ANK2: variants seen among roughly 807,000 people sequenced by gnomAD.
The protein encoded by ANK2 is ankyrin-2.
ANK2 carries 83 observed loss-of-function variants against 360.5 expected under a neutral mutation model. The ratio of observed to expected loss-of-function variants is 0.23; its 90% CI spans 0.19 to 0.28. The LOEUF is 0.28. Among genes scored for constraint, ANK2 ranks in the 10% least tolerant of loss-of-function variants. The pLI is 1.00. For missense variants in ANK2, 4,201 were observed against 4,795.7 expected (o/e 0.88, Z 3.66); for synonymous variants, 1,740 against 1,759.5 (o/e 0.99, Z 0.28).
intron 19 of ANK2, 88 bp from the exon 20 acceptor site, chr4:113,288,300 T>G: frequency 1.9e-6 from 2 of 1,075,818 alleles, no homozygotes; most frequent in Non-Finnish European, 2.8e-6. Context: ...ACTGATACTC[T>G]ACCCAGTCCT....
At chr4:113,014,818 A>ACAT (rs1435058438) in intron 2 of ANK2, among the ~76,000 whole-genome samples, 1 of 140,678 alleles carries the variant, frequency 7.1e-6, no homozygotes, top group East Asian at 2.3e-4. Context: ...GATTTGGGAG[A>ACAT]CATTGTCTGT....
At chr4:113,178,290 A>G (rs1272480896) in intron 2 of ANK2, among the ~76,000 whole-genome samples, 1 of 152,050 alleles carries the variant, frequency 6.6e-6, no homozygotes, top group Non-Finnish European at 1.5e-5. Context: ...AAAACAGGCC[A>G]GGCGCAGTGG....
chr4:113,219,128 C>T (rs954794388), intron 4 of ANK2, among the ~76,000 whole-genome samples: 4 of 151,974 alleles, frequency 2.6e-5, no homozygotes, highest in African/African-American at 9.7e-5. Context: ...AATGCACTGG[C>T]TACATGCTGA....
Position 113,357,122 on chromosome 4 carries a change from C to T in ANK2, c.8504C>T (p.Pro2835Leu), listed in dbSNP as rs2095838031. 6.2e-7 allele frequency: 1 copy of T among 1,613,990 alleles called. No individual in the cohort carries two copies. The highest frequency in any genetic ancestry group is 1.7e-5 in the Admixed American group (1 of 60,004). ...CTTGATGTTTCTAGAGCAGAATCTCCACAAGCAGATTGCCCCAGTGAAAGC... is the reference window on the plus strand; with the variant it reads ...CTTGATGTTTCTAGAGCAGAATCTCTACAAGCAGATTGCCCCAGTGAAAGC... ...EELDVSRAES[P>L]QADCPSESFS... The change falls in exon 38 of 46, where the codon CCA (proline) becomes CTA (leucine). Residue 2835 changes from proline to leucine, a missense_variant. This residue lies in a region of ANK2 where 2,642 missense variants were observed against 2,714.5 expected (regional missense o/e 0.97). Coordinates refer to ENST00000357077, the MANE Select transcript of ANK2 (RefSeq NM_001148.6).
chr4:113,247,961 G>A (rs993735629), intron 9 of ANK2, among the ~76,000 whole-genome samples: 1 of 152,188 alleles, frequency 6.6e-6, no homozygotes, highest in Admixed American at 6.5e-5. Context: ...TGTAATCATT[G>A]TCATCACTTT....
chr4:113,018,075 A>G (rs1352441099), intron 2 of ANK2, among the ~76,000 whole-genome samples: 1 of 152,254 alleles, frequency 6.6e-6, no homozygotes, highest in African/African-American at 2.4e-5. Flanking sequence ...TTGAAAAATA[A>G]CAAGATGAAA....
chr4:112,786,228 G>A, the ANK2 span, among the ~76,000 whole-genome samples: 2 of 147,504 alleles, frequency 1.4e-5, no homozygotes, highest in African/African-American at 5.0e-5. Flanking sequence ...CTGCTGACAG[G>A]TTTGATGAAA....
the ANK2 span, among the ~76,000 whole-genome samples, chr4:112,783,947 C>T: frequency 9.2e-5 from 14 of 151,996 alleles, no homozygotes; most frequent in South Asian, 2.1e-4. Context: ...CCGCGCCTGG[C>T]TTATGTTGAT....
At chr4:112,993,290 A>T (rs2047432519) in intron 2 of ANK2, among the ~76,000 whole-genome samples, 1 of 152,012 alleles carries the variant, frequency 6.6e-6, no homozygotes, top group African/African-American at 2.4e-5. Context: ...TCAAAAAAAA[A>T]ATATTTAGTG....
intron 1 of ANK2, among the ~76,000 whole-genome samples, chr4:112,888,878 AAAG>A (rs1385173067): frequency 6.6e-6 from 1 of 152,212 alleles, no homozygotes; most frequent in Non-Finnish European, 1.5e-5. Context: ...ACAGCCAAAC[AAAG>A]AAGAGGATGA....
intron 1 of ANK2, among the ~76,000 whole-genome samples, chr4:112,884,570 T>C (rs1440885191): frequency 6.6e-6 from 1 of 152,170 alleles, no homozygotes; most frequent in Admixed American, 6.5e-5. Context: ...TCCAAAAATA[T>C]GTGGAAGGCT....
chr4:113,235,127 A>T (rs1171042138), intron 5 of ANK2, among the ~76,000 whole-genome samples: 1 of 152,206 alleles, frequency 6.6e-6, no homozygotes, highest in Non-Finnish European at 1.5e-5. Flanking sequence ...CCTCATCTCT[A>T]AGAAAAAGAT....
intron 1 of ANK2, among the ~76,000 whole-genome samples, chr4:113,091,028 CAGAT>C (rs1041402044): frequency 2.6e-5 from 4 of 152,214 alleles, no homozygotes; most frequent in Non-Finnish European, 5.9e-5. Flanking sequence ...TTGAGACCCT[CAGAT>C]GGATGGGTGC....
At chr4:112,912,185 A>AT (rs1401924381) in intron 2 of ANK2, among the ~76,000 whole-genome samples, 19 of 152,216 alleles carry the variant, frequency 1.2e-4, no homozygotes, top group African/African-American at 3.6e-4. Context: ...TCAAAAAAAA[A>AT]AAAAAAGAAA....
chr4:113,122,047 T>C (rs770438651), intron 1 of ANK2, among the ~76,000 whole-genome samples: 33 of 152,224 alleles, frequency 2.2e-4, no homozygotes, highest in Non-Finnish European at 3.7e-4. Flanking sequence ...GAGAGTGGAA[T>C]GTATTCTATA....
At chr4:112,769,784 T>C in the ANK2 span, among the ~76,000 whole-genome samples, 1 of 152,110 alleles carries the variant, frequency 6.6e-6, no homozygotes, top group African/African-American at 2.4e-5. Context: ...CATCCTGAGA[T>C]TGGAAAAAGG....
chr4:113,161,731 T>C (rs1473725304), intron 1 of ANK2, among the ~76,000 whole-genome samples: 1 of 150,956 alleles, frequency 6.6e-6, no homozygotes, highest in African/African-American at 2.4e-5. Context: ...TGTGTGTGTG[T>C]GTGCATGTGC....
upstream of ANK2, among the ~76,000 whole-genome samples, chr4:112,817,075 A>G (rs967114589): frequency 1.3e-5 from 2 of 152,230 alleles, no homozygotes; most frequent in Non-Finnish European, 2.9e-5. Context: ...TTAGAATTAC[A>G]TCATTTCTGG....
intron 31 of ANK2, among the ~76,000 whole-genome samples, chr4:113,338,050 T>A (rs2093775738): frequency 6.6e-6 from 1 of 152,196 alleles, no homozygotes; most frequent in Non-Finnish European, 1.5e-5. Flanking sequence ...AAAATTATTT[T>A]AAAAATTAAC....
Sources: gnomAD v4.1 joint callset for allele counts (sites outside exome capture counted in the v4.1 genomes callset) on GRCh38, gnomAD v4.1.1 for gene constraint, gnomAD v4.1.1 regional missense constraint, MANE v1.5 for transcripts, NCBI Gene and HGNC (gene_info 2026-07-23, HGNC 2026-07-21) for gene names.